The following KALRN variants were observed in gnomAD, a reference collection of about 807,000 sequenced individuals.
KALRN encodes kalirin RhoGEF kinase.
A neutral mutation model predicts 353.7 loss-of-function variants in KALRN; 70 were observed. That is an observed-to-expected ratio of 0.20 (90% CI 0.16 to 0.24). The LOEUF (loss-of-function observed/expected upper bound fraction) is 0.24, where lower values mean the gene tolerates loss of function less well. KALRN is among the 10% of genes least tolerant of loss of function. The pLI, the probability that KALRN is intolerant of heterozygous loss-of-function variation, is 1.00. For missense variants in KALRN, 2,791 were observed against 3,756.7 expected, an observed-to-expected ratio of 0.74 and a Z score of 6.72; for synonymous variants, 1,391 against 1,434.8, an observed-to-expected ratio of 0.97 and a Z score of 0.69.
intron 1 of KALRN, among the ~76,000 whole-genome samples, chr3:124,122,154 A>G (rs1350483422): frequency 6.6e-6 from 1 of 152,130 alleles, no homozygotes; most frequent in Non-Finnish European, 1.5e-5. Flanking sequence ...GAAAGAGAAA[A>G]AATTCCTGGC....
At chr3:124,588,988 T>G (rs1185969342) in intron 34 of KALRN, among the ~76,000 whole-genome samples, 2 of 152,174 alleles carry the variant, frequency 1.3e-5, no homozygotes, top group African/African-American at 2.4e-5. Context: ...ATCACTTCAC[T>G]GGGGAGGTGC....
intron 34 of KALRN, among the ~76,000 whole-genome samples, chr3:124,566,519 A>G (rs1179585190): frequency 1.4e-5 from 2 of 145,780 alleles, no homozygotes; most frequent in Admixed American, 6.8e-5. Context: ...AAAAAAAAAA[A>G]GGACCTAAGT....
intron 34 of KALRN, among the ~76,000 whole-genome samples, chr3:124,606,088 C>T (rs1407967128): frequency 6.6e-6 from 1 of 152,164 alleles, no homozygotes; most frequent in Non-Finnish European, 1.5e-5. Flanking sequence ...AAAGACTTGA[C>T]TTAACATAGT....
At chr3:124,125,484 G>A (rs1272926509) in intron 1 of KALRN, among the ~76,000 whole-genome samples, 2 of 152,218 alleles carry the variant, frequency 1.3e-5, no homozygotes, top group East Asian at 1.9e-4. Context: ...GCCTCCATGA[G>A]CTGGTGACCT....
intron 1 of KALRN, chr3:124,152,182 T>A: frequency 6.5e-7 from 1 of 1,546,468 alleles, no homozygotes; most frequent in Non-Finnish European, 8.8e-7. Context: ...CAAAGTGTTA[T>A]CTGTCAAAGC....
At chr3:124,045,749 TGGGG>T (rs10576725) in intron 1 of KALRN, among the ~76,000 whole-genome samples, 32 of 143,594 alleles carry the variant, frequency 2.2e-4, no homozygotes, top group African/African-American at 7.8e-4. Flanking sequence ...AACAGCCTAA[TGGGG>T]GGGGGGGGGT....
At chr3:124,423,155 G>A (rs1364734153) in intron 15 of KALRN, among the ~76,000 whole-genome samples, 177 bp downstream of exon 15, 4 of 152,322 alleles carry the variant, frequency 2.6e-5, no homozygotes, top group South Asian at 4.1e-4. Flanking sequence ...GCTTGGCTGC[G>A]GTAACAAATA....
At chr3:124,258,871 T>C (rs529731902) in intron 3 of KALRN, among the ~76,000 whole-genome samples, 2 of 152,346 alleles carry the variant, frequency 1.3e-5, no homozygotes, top group African/African-American at 4.8e-5. Context: ...TGGCTGTACG[T>C]ATTTTCCATC....
chr3:124,066,338 C>G (rs2042359935), intron 1 of KALRN, among the ~76,000 whole-genome samples: 1 of 152,046 alleles, frequency 6.6e-6, no homozygotes, highest in Admixed American at 6.5e-5. Flanking sequence ...TGTTGAGTTG[C>G]ATAGTATAGA....
At chr3:124,350,127 A>G (rs2082693126) in intron 10 of KALRN, among the ~76,000 whole-genome samples, 1 of 152,208 alleles carries the variant, frequency 6.6e-6, no homozygotes, top group Admixed American at 6.5e-5. Flanking sequence ...CCTTGGTTAT[A>G]GGCCCATGTT....
intron 41 of KALRN, 95 bp from the exon 42 acceptor site, chr3:124,658,336 G>T: frequency 1.1e-6 from 1 of 916,928 alleles, no homozygotes; most frequent in Non-Finnish European, 1.8e-6. Context: ...GTGCGCCTTT[G>T]TCCTTTGTCC....
At chr3:124,157,449 CAT>C (rs756620440) in intron 1 of KALRN, among the ~76,000 whole-genome samples, 4 of 152,176 alleles carry the variant, frequency 2.6e-5, no homozygotes, top group Non-Finnish European at 2.9e-5. Flanking sequence ...TTTAAGGTAA[CAT>C]AGAAATACCC....
intron 1 of KALRN, among the ~76,000 whole-genome samples, chr3:124,196,654 TGACAA>T (rs2075463824): frequency 6.6e-6 from 1 of 152,194 alleles, no homozygotes; most frequent in Admixed American, 6.5e-5. Flanking sequence ...CACATATATA[TGACAA>T]AAATAAAGCG....
At chr3:124,079,383 T>A (rs2060423485) in intron 1 of KALRN, among the ~76,000 whole-genome samples, 1 of 152,212 alleles carries the variant, frequency 6.6e-6, no homozygotes, top group African/African-American at 2.4e-5. Flanking sequence ...GAATGATACT[T>A]ACATGTTTCT....
At chr3:124,473,020 G>A (rs1248868802) in intron 25 of KALRN, among the ~76,000 whole-genome samples, 1 of 152,102 alleles carries the variant, frequency 6.6e-6, no homozygotes, top group Non-Finnish European at 1.5e-5. Flanking sequence ...AAATTAAATT[G>A]CAGATGGACA....
At chr3:124,644,333 A>AT (rs35354153) in intron 37 of KALRN, among the ~76,000 whole-genome samples, 17,087 of 151,484 alleles carry the variant, frequency 0.11, 1,042 homozygotes, top group African/African-American at 0.13. Context: ...TTTTTTTAAA[A>AT]TTTTTTTTTA....
intron 53 of KALRN, among the ~76,000 whole-genome samples, chr3:124,695,513 C>T (rs755504604): frequency 2.0e-5 from 3 of 152,118 alleles, no homozygotes; most frequent in Admixed American, 6.5e-5. Flanking sequence ...TCATGAAAAG[C>T]GCCAGGGGAT....
chr3:124,364,493 A>G (rs1039992069), intron 10 of KALRN, among the ~76,000 whole-genome samples: 7 of 152,164 alleles, frequency 4.6e-5, no homozygotes, highest in Non-Finnish European at 1.0e-4. Flanking sequence ...CTTTTCAGTT[A>G]ATCTCCTAAG....
At chr3:124,409,554 A>T (rs565672575) in intron 13 of KALRN, among the ~76,000 whole-genome samples, 2 of 152,302 alleles carry the variant, frequency 1.3e-5, no homozygotes, top group East Asian at 3.9e-4. Context: ...CTATTAGGCT[A>T]GTGAAGAAGG....
Sources: allele counts gnomAD v4.1 joint callset (sites outside exome capture counted in the v4.1 genomes callset), GRCh38; gene constraint gnomAD v4.1.1; transcripts MANE v1.5; gene names NCBI Gene and HGNC (gene_info 2026-07-23, HGNC 2026-07-21).